CLEC16A: variants seen among roughly 807,000 people sequenced by gnomAD.
CLEC16A encodes C-type lectin domain containing 16A.
A neutral mutation model predicts 109.5 loss-of-function variants in CLEC16A; 51 were observed. The observed-to-expected ratio is 0.47, with a 90% CI of 0.37 to 0.59. The LOEUF (loss-of-function observed/expected upper bound fraction) is 0.59. CLEC16A is among the 20% of genes least tolerant of loss of function. The pLI, the probability that CLEC16A is intolerant of heterozygous loss-of-function variation, is 0.00. For missense variants in CLEC16A, 1,339 were observed against 1,394.0 expected (o/e 0.96, Z 0.63); for synonymous variants, 673 against 564.2 (o/e 1.19, Z -2.73).
intron 10 of CLEC16A, among the ~76,000 whole-genome samples, chr16:10,997,835 C>T (rs1242318947): frequency 2.0e-5 from 3 of 152,178 alleles, no homozygotes; most frequent in South Asian, 2.1e-4. Context: ...TGTTTCAGCC[C>T]TATAGTTTTG....
chr16:11,058,353 G>C (rs1043824459), intron 18 of CLEC16A, among the ~76,000 whole-genome samples: 2 of 152,154 alleles, frequency 1.3e-5, no homozygotes, highest in East Asian at 3.8e-4. Context: ...TTATATAAAC[G>C]GCGTAGTGTT....
At chr16:11,068,312 G>A (rs1358640585) in intron 19 of CLEC16A, among the ~76,000 whole-genome samples, 1 of 152,216 alleles carries the variant, frequency 6.6e-6, no homozygotes, top group Non-Finnish European at 1.5e-5. Context: ...TTCATGGCTA[G>A]TAAAGCATTT....
At chr16:11,105,610 CTGTGGAAAA>C (rs2051169017) in intron 19 of CLEC16A, among the ~76,000 whole-genome samples, 1 of 152,222 alleles carries the variant, frequency 6.6e-6, no homozygotes, top group Non-Finnish European at 1.5e-5. Context: ...AAGGAAGTAG[CTGTGGAAAA>C]CCCCACCTTT....
At chr16:11,169,684 C>T (rs1246135815) in intron 23 of CLEC16A, among the ~76,000 whole-genome samples, 1 of 152,236 alleles carries the variant, frequency 6.6e-6, no homozygotes, top group African/African-American at 2.4e-5. Flanking sequence ...TTCCATAGCT[C>T]TAGCCCACGG....
At chr16:11,070,392 A>G (rs906791208) in intron 19 of CLEC16A, 3 of 149,734 alleles carry the variant, frequency 2.0e-5, no homozygotes, top group African/African-American at 7.4e-5. Flanking sequence ...TTTAAGCTAG[A>G]GATGGGATCT....
In CLEC16A at chr16:11,133,303, C is replaced by T. The variant is rs371424310; in HGVS notation, c.2641+7157C>T. ...GCAGTGAGCTGAGATCTTGCCATTGCACTCTAGCCTGGGTGACAGAGTGAG... is the reference window on the plus strand; with the variant it reads ...GCAGTGAGCTGAGATCTTGCCATTGTACTCTAGCCTGGGTGACAGAGTGAG... On this transcript the variant is annotated intron_variant, in intron 22 of 23. Transcript: ENST00000409790. 2.7e-4 allele frequency among the ~76,000 whole-genome samples: 41 copies of T among 151,306 alleles called. No individual in the cohort carries two copies. In the South Asian group the frequency reaches 4.6e-3, roughly 17 times the overall value.
intron 22 of CLEC16A, among the ~76,000 whole-genome samples, chr16:11,152,263 A>G (rs1429670947): frequency 6.6e-6 from 1 of 152,248 alleles, no homozygotes; most frequent in Non-Finnish European, 1.5e-5. Context: ...CTAAAAGCCC[A>G]GGAAAAACGA....
chr16:11,140,974 A>G (rs1261521976), intron 22 of CLEC16A, among the ~76,000 whole-genome samples: 2 of 152,208 alleles, frequency 1.3e-5, no homozygotes, highest in Non-Finnish European at 2.9e-5. Flanking sequence ...AGCATTTTAC[A>G]TGTGAGTGCT....
intron 23 of CLEC16A, among the ~76,000 whole-genome samples, chr16:11,172,001 TACAC>T (rs1018752647): frequency 5.0e-4 from 76 of 151,144 alleles, no homozygotes; most frequent in Admixed American, 3.2e-3. Context: ...TACCAGGGCA[TACAC>T]ACACTCACAC....
At chr16:10,973,133 A>T in intron 7 of CLEC16A, 72 bp downstream of exon 7, 1 of 1,504,026 alleles carries the variant, frequency 6.6e-7, no homozygotes, top group East Asian at 2.5e-5. Flanking sequence ...TTCATCAAGG[A>T]AAAATAAACA....
At chr16:11,158,660 T>C (rs27868) in intron 22 of CLEC16A, among the ~76,000 whole-genome samples, 106,867 of 151,816 alleles carry the variant, frequency 0.7, 38,871 homozygotes, top group African/African-American at 0.88. Flanking sequence ...CAGTGGCTCA[T>C]ACCTGTAATC....
intron 22 of CLEC16A, among the ~76,000 whole-genome samples, chr16:11,131,598 G>C (rs1400216147): frequency 2.6e-5 from 4 of 152,216 alleles, no homozygotes; most frequent in African/African-American, 9.6e-5. Flanking sequence ...CCTGGCCCTT[G>C]CAGATGAGGG....
At position 11,039,919 on chromosome 16, in the gene CLEC16A, G is replaced by A. The variant is rs1222065258; in HGVS notation, c.1660+43G>A. The A allele has an allele frequency of 5.6e-6, 9 of 1,597,572 alleles. No homozygotes were observed. In the East Asian group the frequency reaches 6.8e-5, roughly 12 times the overall value. ...TGTCTGTCCACAGGGCCACGCAGTT[G>A]TAGGAAGCAGACCCCACTGGGAGCC... is the stretch of plus-strand genomic sequence containing the variant. On this transcript the variant is annotated intron_variant, in intron 14 of 23. Transcript: ENST00000409790.
At chr16:11,161,615 A>G (rs547722470) in intron 22 of CLEC16A, among the ~76,000 whole-genome samples, 12 of 152,308 alleles carry the variant, frequency 7.9e-5, no homozygotes, top group African/African-American at 2.4e-4. Flanking sequence ...CCTGAGTCCT[A>G]TGGATTTGAC....
At chr16:11,176,242 G>T (rs960856507) in intron 23 of CLEC16A, among the ~76,000 whole-genome samples, 10 of 152,258 alleles carry the variant, frequency 6.6e-5, no homozygotes, top group African/African-American at 2.2e-4. Flanking sequence ...GAGCAAATCA[G>T]TTGAAATTCA....
At chr16:11,091,454 G>T (rs560774489) in intron 19 of CLEC16A, among the ~76,000 whole-genome samples, 9 of 152,218 alleles carry the variant, frequency 5.9e-5, no homozygotes, top group Non-Finnish European at 1.0e-4. Flanking sequence ...GGCGGGTGGG[G>T]CTGTGTGCCC....
intron 22 of CLEC16A, among the ~76,000 whole-genome samples, chr16:11,139,168 TGTG>T (rs779885453): frequency 1.2e-4 from 19 of 152,304 alleles, no homozygotes; most frequent in South Asian, 2.1e-4. Context: ...CTTCGGGAGT[TGTG>T]GTGACTAGAA....
chr16:11,063,963 G>A (rs979195338), intron 19 of CLEC16A, among the ~76,000 whole-genome samples: 1 of 151,546 alleles, frequency 6.6e-6, no homozygotes, highest in African/African-American at 2.4e-5. Flanking sequence ...AAGTTGAAGG[G>A]AAGGAGGGAT....
At chr16:11,035,975 T>A (rs1044333659) in intron 13 of CLEC16A, 26 of 152,180 alleles carry the variant, frequency 1.7e-4, no homozygotes, top group African/African-American at 6.0e-4. Context: ...AGAAGGGAGA[T>A]GTTCAGAGGG....
Sources: allele counts gnomAD v4.1 joint callset (sites outside exome capture counted in the v4.1 genomes callset), GRCh38; gene constraint gnomAD v4.1.1; transcripts MANE v1.5; gene names NCBI Gene and HGNC (gene_info 2026-07-23, HGNC 2026-07-21).